Variants in GLP2R observed in about 807,000 individuals in gnomAD.
The protein encoded by GLP2R is glucagon like peptide 2 receptor, also known as glucagon-like peptide 2 receptor.
GLP2R carries 59 observed loss-of-function variants against 68.2 expected under a neutral mutation model. That is an observed-to-expected ratio of 0.87 (90% CI 0.70 to 1.07). GLP2R has a LOEUF of 1.07. GLP2R is among the 50% of genes least tolerant of loss of function. The pLI, the probability that GLP2R is intolerant of heterozygous loss-of-function variation, is 0.00. For missense variants in GLP2R, 548 were observed against 677.4 expected (o/e 0.81, Z 2.12); for synonymous variants, 270 against 265.4 (o/e 1.02, Z -0.17).
At chr17:9,859,276 T>C (rs2066962355) in intron 6 of GLP2R, among the ~76,000 whole-genome samples, 1 of 152,228 alleles carries the variant, frequency 6.6e-6, no homozygotes, top group Admixed American at 6.5e-5. Flanking sequence ...TTTTTAGTTA[T>C]TGATTTTAGC....
intron 1 of GLP2R, among the ~76,000 whole-genome samples, chr17:9,830,434 T>C (rs1438874356): frequency 2.0e-5 from 3 of 152,250 alleles, no homozygotes; most frequent in Non-Finnish European, 2.9e-5. Context: ...CCATTAAAGA[T>C]GTTTACTTCT....
chr17:9,840,651 A>G (rs1287911800), intron 3 of GLP2R, among the ~76,000 whole-genome samples: 2 of 152,216 alleles, frequency 1.3e-5, no homozygotes, highest in Non-Finnish European at 2.9e-5. Context: ...GTTAAACAAG[A>G]TGGGGAAGGG....
intron 9 of GLP2R, among the ~76,000 whole-genome samples, chr17:9,865,228 T>G (rs898237194): frequency 3.3e-5 from 5 of 152,082 alleles, no homozygotes; most frequent in African/African-American, 1.2e-4. Context: ...CTTCAAGTCC[T>G]GTCAATTCTT....
chr17:9,874,387 G>T (rs2067125948), intron 10 of GLP2R, among the ~76,000 whole-genome samples: 2 of 152,204 alleles, frequency 1.3e-5, no homozygotes, highest in Admixed American at 6.5e-5. Context: ...GGGGCTGGGT[G>T]CAGTGGTTCA....
chr17:9,857,661 G>T, intron 6 of GLP2R, 85 bp downstream of exon 6: 1 of 1,335,366 alleles, frequency 7.5e-7, no homozygotes, highest in African/African-American at 1.4e-5. Flanking sequence ...GTGGGACTAG[G>T]GAGGGGCAGC....
At chr17:9,878,306 T>C (rs995616912) in intron 10 of GLP2R, among the ~76,000 whole-genome samples, 1 of 152,322 alleles carries the variant, frequency 6.6e-6, no homozygotes, top group Non-Finnish European at 1.5e-5. Flanking sequence ...ACACTTTTTC[T>C]AGAAATATTA....
chr17:9,832,345 A>G (rs1567716637), intron 1 of GLP2R, among the ~76,000 whole-genome samples: 1 of 151,990 alleles, frequency 6.6e-6, no homozygotes, highest in Admixed American at 6.6e-5. Flanking sequence ...GAGGCTGAGG[A>G]GGGCGGATCA....
chr17:9,831,599 G>T (rs2066680126), intron 1 of GLP2R, among the ~76,000 whole-genome samples: 1 of 152,204 alleles, frequency 6.6e-6, no homozygotes, highest in South Asian at 2.1e-4. Context: ...GAGGGCAGAA[G>T]CGAGTGCCAA....
At chr17:9,862,409 A>C (rs1336590876) in intron 9 of GLP2R, among the ~76,000 whole-genome samples, 1 of 152,220 alleles carries the variant, frequency 6.6e-6, no homozygotes, top group Non-Finnish European at 1.5e-5. Flanking sequence ...GTCATGGAGG[A>C]ACCCAGAATA....
intron 3 of GLP2R, among the ~76,000 whole-genome samples, chr17:9,838,742 A>G (rs2066757093): frequency 6.6e-6 from 1 of 152,144 alleles, no homozygotes; most frequent in Admixed American, 6.5e-5. Flanking sequence ...TTTAGAATCC[A>G]AATGGATCCC....
At chr17:9,866,188 C>T in intron 9 of GLP2R, 1 of 279,490 alleles carries the variant, frequency 3.6e-6, no homozygotes, top group South Asian at 3.8e-5. Flanking sequence ...CTATGACTGA[C>T]TTGTGATGTG....
Position 9,836,453 on chromosome 17 carries a change from A to G in GLP2R, c.360A>G (p.Ser120=). Residue 120 remains serine (S), a synonymous_variant, in exon 3 of 13, where the codon TCA becomes TCG. Coordinates refer to ENST00000262441, the MANE Select transcript of GLP2R (RefSeq NM_004246.3). The stretch of plus-strand genomic sequence containing the variant: ...GAAATGTCTCTGTACCCTGCCCTTC[A>G]TACTTACCTTGGTGGAGTGAAGGTA... The part of the protein sequence containing the change: ...SPGNVSVPCP[S]YLPWWSEESS... 1 of 1,606,222 alleles carries G rather than the reference A, an allele frequency of 6.2e-7. No homozygotes were observed.
At chr17:9,863,998 T>C (rs1242625896) in intron 9 of GLP2R, among the ~76,000 whole-genome samples, 1 of 152,214 alleles carries the variant, frequency 6.6e-6, no homozygotes, top group Non-Finnish European at 1.5e-5. Flanking sequence ...ATCCCTAGGA[T>C]AGCGTTGAGG....
chr17:9,882,329 T>A (rs1033705087), intron 11 of GLP2R, among the ~76,000 whole-genome samples: 1 of 152,182 alleles, frequency 6.6e-6, no homozygotes, highest in Non-Finnish European at 1.5e-5. Context: ...GAAGTTATCA[T>A]TCTATCTGGG....
intron 4 of GLP2R, among the ~76,000 whole-genome samples, chr17:9,850,824 G>T (rs1403997335): frequency 4.0e-5 from 6 of 151,452 alleles, no homozygotes; most frequent in Non-Finnish European, 7.4e-5. Flanking sequence ...CTCCTGAGTA[G>T]CTGGGAATAC....
chr17:9,887,526 C>G (rs991127337), intron 11 of GLP2R, among the ~76,000 whole-genome samples: 1 of 152,160 alleles, frequency 6.6e-6, no homozygotes, highest in Admixed American at 6.5e-5. Context: ...AACTCCATCT[C>G]TAACAAACAA....
chr17:9,873,189 G>A (rs773721453), intron 10 of GLP2R, among the ~76,000 whole-genome samples: 53 of 152,172 alleles, frequency 3.5e-4, no homozygotes, highest in Non-Finnish European at 6.3e-4. Context: ...CAGGTGCCAG[G>A]AAAACCAGGG....
Position 9,889,636 on chromosome 17 carries a change from C to G in GLP2R, c.1593C>G (p.Ser531=), listed in dbSNP as rs151332857. ...GCTGGCCCCGGGGCAGCAGCCTGTC[C>G]GAGTGCAGTGAGGGGGATGTCACCA... ...HARWPRGSSL[S]ECSEGDVTMA... Residue 531 remains serine (S), a synonymous_variant, in exon 13 of 13, where the codon TCC becomes TCG. Transcript: ENST00000262441. 6.2e-7 allele frequency: 1 copy of G among 1,611,982 alleles called. No homozygotes were observed. Among genetic ancestry groups the G allele is most frequent in the Non-Finnish European group, 8.5e-7 (1 of 1,178,670 alleles).
Position 9,880,517 on chromosome 17 carries a change from G to GT in GLP2R, c.1284+2dup. Reference sequence around the variant, plus strand: ...TCAGTTGACACTGAGCTCCTTTCATGTAAGTAGAAATCTGAACCAAAATGC... The same window carrying GT: ...TCAGTTGACACTGAGCTCCTTTCATGTTAAGTAGAAATCTGAACCAAAATGC... On this transcript the variant is annotated splice_donor_variant, in intron 11 of 12. Transcript: ENST00000262441. LOFTEE classifies it high-confidence loss of function. 4.4e-6 allele frequency: 7 copies of GT among 1,583,976 alleles called. No homozygotes were observed. Among genetic ancestry groups the GT allele is most frequent in the Non-Finnish European group, 6.0e-6 (7 of 1,161,920 alleles).
Sources: gnomAD v4.1 joint callset for allele counts (sites outside exome capture counted in the v4.1 genomes callset) on GRCh38, gnomAD v4.1.1 for gene constraint, MANE v1.5 for transcripts, NCBI Gene and HGNC (gene_info 2026-07-23, HGNC 2026-07-21) for gene names.